GSAP: variants seen among roughly 807,000 people sequenced by gnomAD.
GSAP encodes gamma-secretase-activating protein.
Under a neutral mutation model 131.7 loss-of-function variants are expected in GSAP, and 118 were observed. That is an observed-to-expected ratio of 0.90 (90% CI 0.77 to 1.04). GSAP has a LOEUF of 1.04. Ranked by LOEUF, GSAP falls within the 50% of genes least tolerant of loss-of-function variation. The pLI, the probability that GSAP is intolerant of heterozygous loss-of-function variation, is 0.00. For missense variants in GSAP, 1,019 were observed against 1,013.2 expected (o/e 1.01, Z -0.08); for synonymous variants, 381 against 363.4 (o/e 1.05, Z -0.55).
intron 14 of GSAP, among the ~76,000 whole-genome samples, chr7:77,360,415 C>G (rs753271044): frequency 6.6e-6 from 1 of 152,170 alleles, no homozygotes; most frequent in Non-Finnish European, 1.5e-5. Context: ...AGATTAGCAA[C>G]AGGAAATAGA....
At chr7:77,382,436 C>T in intron 7 of GSAP, 138 bp downstream of exon 7, 1 of 532,448 alleles carries the variant, frequency 1.9e-6, no homozygotes. Context: ...CAAGGAATTC[C>T]AGGTCTCATA....
chr7:77,330,141 T>C, intron 20 of GSAP, 98 bp downstream of exon 20: 2 of 1,383,364 alleles, frequency 1.4e-6, no homozygotes, highest in Non-Finnish European at 1.9e-6. Flanking sequence ...TTGGGAAGAG[T>C]GCTGCACATG....
intron 18 of GSAP, 48 bp from the exon 19 acceptor site, chr7:77,349,452 A>G: frequency 1.3e-6 from 2 of 1,503,904 alleles, no homozygotes; most frequent in Non-Finnish European, 1.8e-6. Flanking sequence ...TGTATGAACT[A>G]CCACTAGCTC....
intron 19 of GSAP, among the ~76,000 whole-genome samples, chr7:77,338,883 G>C (rs1270890970): frequency 1.3e-5 from 2 of 152,150 alleles, no homozygotes; most frequent in African/African-American, 4.8e-5. Flanking sequence ...TCAGAATGCA[G>C]ACAGAACAGG....
In GSAP at chr7:77,397,029, C is replaced by G; in HGVS notation, c.320G>C (p.Ser107Thr). 1 of 1,595,226 alleles carries G rather than the reference C, an allele frequency of 6.3e-7. No homozygotes were observed. Among genetic ancestry groups the G allele is most frequent in the Non-Finnish European group, 8.6e-7 (1 of 1,166,982 alleles). The change falls in exon 5 of 31, where the codon AGT (serine) becomes ACT (threonine). Residue 107 changes from serine to threonine, a missense_variant. Coordinates refer to ENST00000257626, the MANE Select transcript of GSAP (RefSeq NM_017439.4). ...TCCTTCTTTAGTAGACTGAACTAAA[C>G]TTGCAGCTAATGGAAAAAGAAAAAA... ...VNSERTLLAA[S>T]LVQSTKEGKR...
chr7:77,385,829 T>C (rs556124913), intron 6 of GSAP, among the ~76,000 whole-genome samples: 16 of 152,234 alleles, frequency 1.1e-4, no homozygotes, highest in Admixed American at 7.8e-4. Context: ...TGGAGGCTGG[T>C]AATAGCTTGG....
At chr7:77,356,117 C>G (rs1183686254) in intron 14 of GSAP, among the ~76,000 whole-genome samples, 1 of 152,160 alleles carries the variant, frequency 6.6e-6, no homozygotes, top group Non-Finnish European at 1.5e-5. Context: ...AGCAATCCTC[C>G]TGCCTCAGCC....
At chr7:77,336,314 A>G (rs191463431) in intron 19 of GSAP, among the ~76,000 whole-genome samples, 1 of 152,136 alleles carries the variant, frequency 6.6e-6, no homozygotes, top group Non-Finnish European at 1.5e-5. Context: ...CCTGTCCCCA[A>G]CCAAAACTAT....
chr7:77,363,800 T>C (rs1454190406), intron 12 of GSAP, among the ~76,000 whole-genome samples: 2 of 152,214 alleles, frequency 1.3e-5, no homozygotes, highest in Non-Finnish European at 2.9e-5. Context: ...TTCTATTAGA[T>C]GTAAAATGAC....
intron 19 of GSAP, among the ~76,000 whole-genome samples, chr7:77,333,018 T>C (rs765847362): frequency 2.2e-4 from 34 of 152,078 alleles, no homozygotes; most frequent in Non-Finnish European, 4.1e-4. Flanking sequence ...AATACAAAAA[T>C]TAGCTGGGCG....
intron 1 of GSAP, chr7:77,415,997 C>A: frequency 2.4e-6 from 1 of 424,892 alleles, no homozygotes; most frequent in South Asian, 5.1e-5. Context: ...TCAGGCCCCA[C>A]GGCGACCTGG....
Position 77,354,026 on chromosome 7 carries a change from C to T in GSAP, c.1339-385G>A, listed in dbSNP as rs145319556. Among the ~76,000 whole-genome samples the T allele has an allele frequency of 3.1e-3, 465 of 152,290 alleles. 3 individuals carry two copies. Among genetic ancestry groups the T allele is most frequent in the African/African-American group, 0.011 (439 of 41,546 alleles). ...CAGCAGAGCTGGGTGTGAATTCCAGCTGGGTCCTGGGTGTGAATACGGACA... is the reference window on the plus strand; with the variant it reads ...CAGCAGAGCTGGGTGTGAATTCCAGTTGGGTCCTGGGTGTGAATACGGACA... On this transcript the variant is annotated intron_variant, in intron 16 of 30. Coordinates refer to ENST00000257626, the MANE Select transcript of GSAP (RefSeq NM_017439.4).
intron 6 of GSAP, among the ~76,000 whole-genome samples, chr7:77,383,528 C>T (rs897186030): frequency 2.0e-5 from 3 of 152,126 alleles, no homozygotes; most frequent in Non-Finnish European, 4.4e-5. Flanking sequence ...AGTCTGAAAG[C>T]ACAGAACGAC....
At chr7:77,387,626 A>C (rs993709632) in intron 5 of GSAP, among the ~76,000 whole-genome samples, 178 bp from the exon 6 acceptor site, 2 of 152,212 alleles carry the variant, frequency 1.3e-5, no homozygotes, top group South Asian at 4.1e-4. Context: ...ATCTGTTCCC[A>C]GTTCTACTCT....
At chr7:77,405,904 A>G (rs578243969) in intron 2 of GSAP, 125 bp downstream of exon 2, 1 of 346,102 alleles carries the variant, frequency 2.9e-6, no homozygotes, top group Non-Finnish European at 5.0e-6. Flanking sequence ...TTAAGATTAA[A>G]TGCCAACAAG....
At chr7:77,327,516 C>G (rs1788498510) in intron 22 of GSAP, 1 of 152,272 alleles carries the variant, frequency 6.6e-6, no homozygotes, top group Admixed American at 6.5e-5. Flanking sequence ...TGCACTGTCA[C>G]AGTTCACTGT....
chr7:77,383,974 T>C (rs1203522632), intron 6 of GSAP, among the ~76,000 whole-genome samples: 1 of 152,230 alleles, frequency 6.6e-6, no homozygotes, highest in Non-Finnish European at 1.5e-5. Context: ...AAGCAAAACA[T>C]ATGCTTCACA....
At chr7:77,327,950 C>T (rs1474631379) in intron 22 of GSAP, among the ~76,000 whole-genome samples, 3 of 152,200 alleles carry the variant, frequency 2.0e-5, no homozygotes, top group Non-Finnish European at 2.9e-5. Flanking sequence ...AAAGCAGCCA[C>T]CTCAGGTACC....
intron 2 of GSAP, among the ~76,000 whole-genome samples, chr7:77,405,105 T>C (rs1802037440): frequency 6.6e-6 from 1 of 152,230 alleles, no homozygotes; most frequent in African/African-American, 2.4e-5. Context: ...TATAGTAAAG[T>C]TAAATTTTCC....
Sources: allele counts gnomAD v4.1 joint callset (sites outside exome capture counted in the v4.1 genomes callset), GRCh38; gene constraint gnomAD v4.1.1; transcripts MANE v1.5; gene names NCBI Gene and HGNC (gene_info 2026-07-23, HGNC 2026-07-21).